The following AGAP1 variants were observed in gnomAD, a reference collection of about 807,000 sequenced individuals.
The protein encoded by AGAP1 is arf-GAP with GTPase, ANK repeat and PH domain-containing protein 1.
Under a neutral mutation model 105.3 loss-of-function variants are expected in AGAP1, and 29 were observed. The ratio of observed to expected loss-of-function variants is 0.28; its 90% CI spans 0.21 to 0.38. The LOEUF is 0.38. Among genes scored for constraint, AGAP1 ranks in the 10% least tolerant of loss-of-function variants. The pLI is 1.00. For missense variants in AGAP1, 998 were observed against 1,165.1 expected (o/e 0.86, Z 2.09); for synonymous variants, 509 against 485.9 (o/e 1.05, Z -0.63).
intron 16 of AGAP1, among the ~76,000 whole-genome samples, chr2:236,103,350 G>C (rs1453105233): frequency 6.6e-6 from 1 of 152,134 alleles, no homozygotes; most frequent in African/African-American, 2.4e-5. Flanking sequence ...TTTGGGGCAT[G>C]TTAGCCCCCA....
rs548535493 is a variant in AGAP1, at chr2:236,082,777, G to A, written c.2114+33496G>A. Among the ~76,000 whole-genome samples the A allele has an allele frequency of 2.6e-5, 4 of 152,332 alleles. No individual in the cohort carries two copies. Among genetic ancestry groups the A allele is most frequent in the African/African-American group, 9.6e-5 (4 of 41,562 alleles). ...TGATCCCAGCTACTTGGGAGGCTGA[G>A]GCAGGAGAATTGCTTGAAACCTGGA... On this transcript the variant is annotated intron_variant, in intron 16 of 17. Coordinates refer to ENST00000304032, the MANE Select transcript of AGAP1 (RefSeq NM_001037131.3). The surrounding 1 kb of genome is among the most constrained non-coding windows in gnomAD (Gnocchi z 4.2).
At chr2:235,512,632 C>A (rs13430054) in intron 1 of AGAP1, among the ~76,000 whole-genome samples, 3 of 152,062 alleles carry the variant, frequency 2.0e-5, no homozygotes, top group Non-Finnish European at 4.4e-5. Flanking sequence ...AATCCATGCG[C>A]GTCCTCCCCC....
At chr2:235,722,905 A>G (rs80263877) in intron 3 of AGAP1, among the ~76,000 whole-genome samples, 1 of 151,742 alleles carries the variant, frequency 6.6e-6, no homozygotes, top group African/African-American at 2.4e-5. Flanking sequence ...AAAAAAAAAA[A>G]TTATACACAC....
intron 16 of AGAP1, among the ~76,000 whole-genome samples, chr2:236,115,509 C>A (rs1020448079): frequency 6.6e-6 from 1 of 152,196 alleles, no homozygotes; most frequent in South Asian, 2.1e-4. Context: ...GCAGAAAGTA[C>A]AGGGAGCTAA....
rs912801361 is a variant in AGAP1, at chr2:235,739,368, C to G, written c.311-1595C>G. Among the ~76,000 whole-genome samples the G allele has an allele frequency of 2.0e-5, 3 of 152,212 alleles. No individual in the cohort carries two copies. The highest frequency in any genetic ancestry group is 3.9e-4 in the East Asian group (2 of 5,194). On this transcript the variant is annotated intron_variant, in intron 3 of 17. Coordinates refer to ENST00000304032, the MANE Select transcript of AGAP1 (RefSeq NM_001037131.3). This position sits in a 1 kb window ranked among gnomAD's most constrained non-coding sequence, Gnocchi z 5.3. ...TTTCTTTTTTGCCTACGAGGACTCTCGATTCAGGGACCCTGAGTCTTTGGG... is the reference window on the plus strand; with the variant it reads ...TTTCTTTTTTGCCTACGAGGACTCTGGATTCAGGGACCCTGAGTCTTTGGG...
rs115120020 is a variant in AGAP1, at chr2:236,051,249, G to A, written c.2114+1968G>A. 3.2e-3 allele frequency among the ~76,000 whole-genome samples: 491 copies of A among 152,314 alleles called. 1 individual carries two copies. Among genetic ancestry groups the A allele is most frequent in the African/African-American group, 0.011 (456 of 41,556 alleles). ...ACATACGAGAACTGAATATTTCTTT[G>A]TGCCTGTAGTAATTTTCCTGGGGAG... On this transcript the variant is annotated intron_variant, in intron 16 of 17. Transcript: ENST00000304032. The surrounding 1 kb of genome is among the most constrained non-coding windows in gnomAD (Gnocchi z 5.9).
chr2:235,674,482 A>G (rs1056457796), intron 1 of AGAP1, among the ~76,000 whole-genome samples: 3 of 152,224 alleles, frequency 2.0e-5, no homozygotes. Context: ...GGCTATGCCC[A>G]TCCAGAACAT....
At chr2:235,514,321 T>G (rs187240634) in intron 1 of AGAP1, among the ~76,000 whole-genome samples, 1 of 152,364 alleles carries the variant, frequency 6.6e-6, no homozygotes, top group Admixed American at 6.5e-5. Flanking sequence ...GCTTTTAGAA[T>G]GAAGTTGAAA....
intron 8 of AGAP1, among the ~76,000 whole-genome samples, chr2:235,802,258 A>G (rs1377855551): frequency 6.6e-6 from 1 of 152,186 alleles, no homozygotes; most frequent in African/African-American, 2.4e-5. Flanking sequence ...ACACAGGTGC[A>G]CTTACAGGCA....
At chr2:235,894,730 C>A (rs950352011) in intron 10 of AGAP1, among the ~76,000 whole-genome samples, 3 of 152,068 alleles carry the variant, frequency 2.0e-5, no homozygotes, top group African/African-American at 7.2e-5. Context: ...TCTAAATTAC[C>A]TCCTTCCATC....
In AGAP1 at chr2:235,879,682, T is replaced by A. The variant is rs1352982061; in HGVS notation, c.1051-3663T>A. ...GCTCACTCCCCTGTTACCCCAGCAC[T>A]TCTGGGAAGCCATGGTGGGAGGATT... On this transcript the variant is annotated intron_variant, in intron 9 of 17. Transcript: ENST00000304032. The surrounding 1 kb of genome is among the most constrained non-coding windows in gnomAD (Gnocchi z 5.0). 6.6e-6 allele frequency among the ~76,000 whole-genome samples: 1 copy of A among 152,032 alleles called. No homozygotes were observed. The highest frequency in any genetic ancestry group is 2.4e-5 in the African/African-American group (1 of 41,392).
intron 1 of AGAP1, among the ~76,000 whole-genome samples, chr2:235,547,651 G>A (rs569641886): frequency 2.0e-5 from 3 of 152,106 alleles, no homozygotes; most frequent in Non-Finnish European, 4.4e-5. Context: ...ATACCACCAC[G>A]CTCAACTAAT....
chr2:235,677,988 A>G (rs1948846778), intron 1 of AGAP1, among the ~76,000 whole-genome samples: 1 of 134,440 alleles, frequency 7.4e-6, no homozygotes, highest in African/African-American at 2.7e-5. Flanking sequence ...AAAATATGCA[A>G]AGCAGAGTTT....
At chr2:235,598,345 G>A (rs1486644961) in intron 1 of AGAP1, among the ~76,000 whole-genome samples, 4 of 152,160 alleles carry the variant, frequency 2.6e-5, no homozygotes, top group Admixed American at 2.6e-4. Flanking sequence ...ATTTTTACAT[G>A]TATGTAAGCT....
chr2:236,020,811 G>A lies in AGAP1; in HGVS notation c.1646-15750G>A, dbSNP rs766147968. 2.0e-5 allele frequency among the ~76,000 whole-genome samples: 3 copies of A among 152,108 alleles called. No individual in the cohort carries two copies. Among genetic ancestry groups the A allele is most frequent in the Admixed American group, 6.5e-5 (1 of 15,272 alleles). On this transcript the variant is annotated intron_variant, in intron 13 of 17. Transcript: ENST00000304032. The surrounding 1 kb of genome is among the most constrained non-coding windows in gnomAD (Gnocchi z 5.0). ...ATTCAGTAGGCCTTTTTAATGTATC[G>A]GTACAGAGCAGAGCTGGCCAAAGCC...
chr2:235,686,662 T>G lies in AGAP1; in HGVS notation c.164-22517T>G, dbSNP rs1490683797. ...ATATATATAGATATATATATATATA[T>G]ATATTTTTTTTTTTTTTTAGACAGA... On this transcript the variant is annotated intron_variant, in intron 1 of 17. Coordinates refer to ENST00000304032, the MANE Select transcript of AGAP1 (RefSeq NM_001037131.3). Among the ~76,000 whole-genome samples the G allele has an allele frequency of 6.6e-5, 5 of 75,338 alleles. No individual in the cohort carries two copies. The South Asian group carries it at 1.6e-3, about 25-fold the overall frequency. 49.4% of individuals were successfully genotyped at this position (75,338 alleles called of 152,430 possible).
chr2:235,576,811 C>T (rs951726347), intron 1 of AGAP1, among the ~76,000 whole-genome samples: 2 of 152,204 alleles, frequency 1.3e-5, no homozygotes, highest in African/African-American at 2.4e-5. Flanking sequence ...ACCCTCTTCC[C>T]GTGACTGTTC....
chr2:235,548,451 C>T (rs1040008392), intron 1 of AGAP1, among the ~76,000 whole-genome samples: 21 of 152,178 alleles, frequency 1.4e-4, no homozygotes, highest in Non-Finnish European at 8.8e-5. Context: ...GTCAGGAGTT[C>T]GAGGCCAGCC....
chr2:235,694,366 C>CTACTTGGG (rs1949894574), intron 1 of AGAP1, among the ~76,000 whole-genome samples: 1 of 151,782 alleles, frequency 6.6e-6, no homozygotes, highest in Non-Finnish European at 1.5e-5. Context: ...GTATTCCCAG[C>CTACTTGGG]TACTTGGGAG....
Sources: allele counts gnomAD v4.1 joint callset (sites outside exome capture counted in the v4.1 genomes callset), GRCh38; gene constraint gnomAD v4.1.1; non-coding constraint Gnocchi (gnomAD v3.1); transcripts MANE v1.5; gene names NCBI Gene and HGNC (gene_info 2026-07-23, HGNC 2026-07-21).